Variants in SLC34A3 observed in about 807,000 individuals in gnomAD.
SLC34A3 encodes solute carrier family 34 member 3.
In SLC34A3, 60 loss-of-function variants were observed where a neutral mutation model predicts 43.9. That is an observed-to-expected ratio of 1.37 (90% CI 1.11 to 1.70). The LOEUF is 1.70. Ranked by LOEUF, SLC34A3 falls within the 40% of genes most tolerant of loss-of-function variation. The pLI, the probability that SLC34A3 is intolerant of heterozygous loss-of-function variation, is 0.00. For synonymous variants in SLC34A3, 451 were observed against 386.2 expected (o/e 1.17, Z -1.97); for missense variants, 969 against 823.8 (o/e 1.18, Z -2.16).
rs1006801103 is a variant in SLC34A3 at position 137,233,701 on chromosome 9, G to A, written c.825G>A (p.Trp275Ter). The A allele has an allele frequency of 6.2e-7, 1 of 1,612,698 alleles. No homozygotes were observed. Among genetic ancestry groups the A allele is most frequent in the Non-Finnish European group, 8.5e-7 (1 of 1,179,970 alleles). ...CTAACAGCAGTCTCATTAAGCACTG[G>A]TGCGGCACCACGGGGCAGCCGGTGA... Reference protein sequence around the residue: ...NATNSSLIKHWCGTTGQPTQE... With the variant: ...NATNSSLIKH Residue 275 changes from tryptophan (W) to a stop codon, truncating the protein, a stop_gained, in exon 8 of 13, where the codon TGG becomes TGA. Transcript: ENST00000673835. LOFTEE classifies it high-confidence loss of function.
chr9:137,232,431 C>T lies in SLC34A3; in HGVS notation c.176-144C>T. 4 of 1,244,210 alleles carry T rather than the reference C, an allele frequency of 3.2e-6. No homozygotes were observed. The South Asian group carries it at 5.3e-5, about 16-fold the overall frequency. 77.1% of individuals were successfully genotyped at this position (1,244,210 alleles called of 1,614,324 possible). On this transcript the variant is annotated intron_variant, in intron 3 of 12. Coordinates refer to ENST00000673835, the MANE Select transcript of SLC34A3 (RefSeq NM_001177316.2). ...GCTTGGAAAGGCAGGAACCCGGGCCCTGCCCTGGGGGTTACGGAAGAGGAG... is the reference window on the plus strand; with the variant it reads ...GCTTGGAAAGGCAGGAACCCGGGCCTTGCCCTGGGGGTTACGGAAGAGGAG...
At position 137,234,066 on chromosome 9, in the gene SLC34A3, C is replaced by A. The variant is rs1836418939; in HGVS notation, c.926-43C>A. On this transcript the variant is annotated intron_variant, in intron 9 of 12. Transcript: ENST00000673835. The surrounding 1 kb of genome is among the most constrained non-coding windows in gnomAD (Gnocchi z 6.9). ...CTGTGAGGCCCGGCCCACCCCGGCC[C>A]ACCCCCCAGGCTCCCCCTCACCTGC... 2.8e-6 allele frequency: 4 copies of A among 1,442,836 alleles called. No individual in the cohort carries two copies. Among genetic ancestry groups the A allele is most frequent in the Non-Finnish European group, 3.8e-6 (4 of 1,065,206 alleles). 89.4% of individuals were successfully genotyped at this position (1,442,836 alleles called of 1,614,324 possible).
rs1223226928 is a variant in SLC34A3 at position 137,236,460 on chromosome 9, G to A, written c.*44G>A. 8.1e-6 allele frequency: 12 copies of A among 1,489,280 alleles called. No individual in the cohort carries two copies. The highest frequency in any genetic ancestry group is 1.4e-5 in the African/African-American group (1 of 71,912). 92.3% of individuals were successfully genotyped at this position (1,489,280 alleles called of 1,614,324 possible). A position where few individuals can be genotyped will look rare whatever the true frequency, so the allele number is the denominator to read the frequency against. On this transcript the variant is annotated 3_prime_UTR_variant, in exon 13 of 13. Coordinates refer to ENST00000673835, the MANE Select transcript of SLC34A3 (RefSeq NM_001177316.2). ...ACCGCCCCACCCTCCCCGGCTGGGA[G>A]GGCTCTGGAGGGCCCTGGAGGGGGG...
At chr9:137,230,237 C>T (rs545406447), upstream of SLC34A3, among the ~76,000 whole-genome samples, 12 of 152,248 alleles carry the variant, frequency 7.9e-5, no homozygotes, top group East Asian at 5.8e-4. Flanking sequence ...GGCCAGGCAG[C>T]GGGTGGGGAA....
chr9:137,233,779 T>TGTGGGGCCC, intron 8 of SLC34A3, 57 bp downstream of exon 8: 1 of 1,445,826 alleles, frequency 6.9e-7, no homozygotes, highest in Non-Finnish European at 9.6e-7. Context: ...TGCTGAGTCA[T>TGTGGGGCCC]CCCGCCCCAC....
chr9:137,234,562 C>T lies in SLC34A3; in HGVS notation c.1210+30C>T, dbSNP rs779917065. 8 of 1,609,612 alleles carry T rather than the reference C, an allele frequency of 5.0e-6. No homozygotes were observed. The Admixed American group carries it at 5.0e-5, about 10-fold the overall frequency. ...GCAGGCAGGACAGAGGCCTCGGGAA[C>T]GGGGGCTCGGGCTGGGGTCCTGTGG... On this transcript the variant is annotated intron_variant, in intron 11 of 12. Coordinates refer to ENST00000673835, the MANE Select transcript of SLC34A3 (RefSeq NM_001177316.2). The surrounding 1 kb of genome is among the most constrained non-coding windows in gnomAD (Gnocchi z 6.9).
At chr9:137,233,182 G>A (rs757304206) in intron 6 of SLC34A3, 27 bp from the exon 7 acceptor site, 1 of 1,562,934 alleles carries the variant, frequency 6.4e-7, no homozygotes, top group Non-Finnish European at 8.7e-7. Flanking sequence ...CCCCCCACCT[G>A]ACCCTGCCCA....
At chr9:137,233,779 T>TTGCCCCCCCCCCCC in intron 8 of SLC34A3, 57 bp downstream of exon 8, 9 of 1,445,698 alleles carry the variant, frequency 6.2e-6, no homozygotes, top group East Asian at 2.3e-5. Context: ...TGCTGAGTCA[T>TTGCCCCCCCCCCCC]CCCGCCCCAC....
chr9:137,234,247 C>A lies in SLC34A3; in HGVS notation c.1064C>A (p.Ala355Asp), dbSNP rs771070631. ...AACTCTGTGCTGCGCGGCCGCGTGG[C>A]CCAGGTCGTGAGGACAGTCATCAAT... ...LLNSVLRGRV[A>D]QVVRTVINAD... Residue 355 changes from alanine to aspartate, a missense_variant, in exon 10 of 13, where the codon GCC becomes GAC. Ala to Asp is a moderately radical substitution (Grantham distance 126). Coordinates refer to ENST00000673835, the MANE Select transcript of SLC34A3 (RefSeq NM_001177316.2). This position sits in a 1 kb window ranked among gnomAD's most constrained non-coding sequence, Gnocchi z 6.9. 2 of 1,610,704 alleles carry A rather than the reference C, an allele frequency of 1.2e-6. No individual in the cohort carries two copies. Among genetic ancestry groups the A allele is most frequent in the Non-Finnish European group, 1.7e-6 (2 of 1,179,402 alleles).
At chr9:137,231,637 C>T (rs1836219053) in intron 1 of SLC34A3, 27 bp from the exon 2 acceptor site, 1 of 1,366,552 alleles carries the variant, frequency 7.3e-7, no homozygotes, top group South Asian at 1.2e-5. Flanking sequence ...GAGGAAATGT[C>T]TCTGACACGC....
At position 137,233,723 on chromosome 9, in the gene SLC34A3, G is replaced by C. The variant is rs754054340; in HGVS notation, c.846+1G>C. The C allele has an allele frequency of 1.2e-6, 2 of 1,612,226 alleles. No homozygotes were observed. The highest frequency in any genetic ancestry group is 1.7e-6 in the Non-Finnish European group (2 of 1,179,846). The stretch of plus-strand genomic sequence containing the variant: ...CTGGTGCGGCACCACGGGGCAGCCG[G>C]TGAGGCACCCAACCCTAGGCCCTCA... On this transcript the variant is annotated splice_donor_variant, in intron 8 of 12. Coordinates refer to ENST00000673835, the MANE Select transcript of SLC34A3 (RefSeq NM_001177316.2). LOFTEE classifies it high-confidence loss of function.
In SLC34A3 at chr9:137,232,808, A is replaced by C; in HGVS notation, c.329A>C (p.Lys110Thr). 1.2e-6 allele frequency: 2 copies of C among 1,613,156 alleles called. No homozygotes were observed. Among genetic ancestry groups the C allele is most frequent in the Non-Finnish European group, 1.7e-6 (2 of 1,180,004 alleles). The change falls in exon 5 of 13, where the codon AAG (lysine) becomes ACG (threonine). Residue 110 changes from lysine (K) to threonine (T), a missense_variant. Transcript: ENST00000673835. ...GGCAAAGTGGCCGGAGACATCTTCA[A>C]GGACAACGTGGTGCTGTCCAACCCT... The part of the protein sequence containing the change: ...LGSKVAGDIF[K>T]DNVVLSNPVA...
rs1043729218 is a variant in SLC34A3, at chr9:137,233,493, G to A, written c.756+89G>A. On this transcript the variant is annotated intron_variant, in intron 7 of 12. Transcript: ENST00000673835. ...CGCCCTGCCCTGATGGAGGGTCAGC[G>A]GAGGGTCTGGGCCCTGTCCTGGGAC... The A allele has an allele frequency of 1.2e-5, 19 of 1,578,438 alleles. No individual in the cohort carries two copies. In the South Asian group the frequency reaches 1.6e-4, roughly 13 times the overall value.
upstream of SLC34A3, chr9:137,230,776 G>A (rs920603101): frequency 3.9e-5 from 6 of 152,274 alleles, no homozygotes; most frequent in African/African-American, 1.4e-4. Flanking sequence ...AGGCCTAGGG[G>A]CCTTGGGGCC....
Position 137,234,734 on chromosome 9 carries a change from A to T in SLC34A3, c.1335+3A>T. The T allele has an allele frequency of 6.2e-7, 1 of 1,608,084 alleles. No homozygotes were observed. The stretch of plus-strand genomic sequence containing the variant: ...ACAGGATGCTCAGCGCCCTGCAGGT[A>T]CTGTCCACCCTGCCCCGCTGCCAGA... On this transcript the variant is annotated splice_donor_region_variant and intron_variant, in intron 12 of 12. Transcript: ENST00000673835. The surrounding 1 kb of genome is among the most constrained non-coding windows in gnomAD (Gnocchi z 6.9).
chr9:137,236,161 C>T lies in SLC34A3; in HGVS notation c.1545C>T (p.Ala515=), dbSNP rs576710906. 784 of 1,608,400 alleles carry T rather than the reference C, an allele frequency of 4.9e-4. 10 individuals carry two copies. The South Asian group carries it at 8.0e-3, about 16-fold the overall frequency. ...GLSLAGGMEL[A]AVGGPLVGLV... ...CCCTGGCAGGGGGCATGGAGCTGGCCGCTGTCGGGGGTCCCCTGGTGGGGC... is the reference window on the plus strand; with the variant it reads ...CCCTGGCAGGGGGCATGGAGCTGGCTGCTGTCGGGGGTCCCCTGGTGGGGC... Residue 515 remains alanine, a synonymous_variant, in exon 13 of 13, where the codon GCC becomes GCT. Transcript: ENST00000673835.
upstream of SLC34A3, chr9:137,230,631 C>A (rs1401252974): frequency 1.3e-5 from 2 of 152,198 alleles, no homozygotes; most frequent in Non-Finnish European, 2.9e-5. Context: ...CTGAGGATGC[C>A]CAGTACCGAG....
chr9:137,230,578 C>T (rs771304498), upstream of SLC34A3, among the ~76,000 whole-genome samples: 1 of 152,194 alleles, frequency 6.6e-6, no homozygotes, highest in Admixed American at 6.5e-5. Flanking sequence ...TAGCATCCTG[C>T]CTGGCTGGGT....
rs754054340 is a variant in SLC34A3, at chr9:137,233,723, G to A, written c.846+1G>A. On this transcript the variant is annotated splice_donor_variant, in intron 8 of 12. Transcript: ENST00000673835. LOFTEE classifies it high-confidence loss of function. ...CTGGTGCGGCACCACGGGGCAGCCGGTGAGGCACCCAACCCTAGGCCCTCA... is the reference window on the plus strand; with the variant it reads ...CTGGTGCGGCACCACGGGGCAGCCGATGAGGCACCCAACCCTAGGCCCTCA... The A allele has an allele frequency of 3.1e-6, 5 of 1,612,344 alleles. No individual in the cohort carries two copies. The highest frequency in any genetic ancestry group is 3.3e-5 in the Admixed American group (2 of 60,002).
Sources: gnomAD v4.1 joint callset for allele counts (sites outside exome capture counted in the v4.1 genomes callset) on GRCh38, gnomAD v4.1.1 for gene constraint, Gnocchi (gnomAD v3.1) non-coding constraint, MANE v1.5 for transcripts, NCBI Gene and HGNC (gene_info 2026-07-23, HGNC 2026-07-21) for gene names.